Variants in DSCAM observed in about 807,000 individuals in gnomAD.
DSCAM encodes the protein DS cell adhesion molecule.
Under a neutral mutation model 217.7 loss-of-function variants are expected in DSCAM, and 47 were observed. The ratio of observed to expected loss-of-function variants is 0.22; its 90% CI spans 0.17 to 0.28. The LOEUF (loss-of-function observed/expected upper bound fraction) is 0.28, where lower values mean the gene tolerates loss of function less well. Ranked by LOEUF, DSCAM falls within the 10% of genes least tolerant of loss-of-function variation. The pLI, the probability that DSCAM is intolerant of heterozygous loss-of-function variation, is 1.00. For missense variants in DSCAM, 2,080 were observed against 2,618.3 expected (o/e 0.79, Z 4.49); for synonymous variants, 1,056 against 1,015.3 (o/e 1.04, Z -0.76).
chr21:40,122,548 A>G (rs1308765387), intron 20 of DSCAM, among the ~76,000 whole-genome samples: 1 of 152,204 alleles, frequency 6.6e-6, no homozygotes, highest in African/African-American at 2.4e-5. Flanking sequence ...GATAAGCAGA[A>G]AAGCAGAAGC....
chr21:40,352,159 G>T (rs985118319), intron 5 of DSCAM, among the ~76,000 whole-genome samples: 1 of 152,166 alleles, frequency 6.6e-6, no homozygotes, highest in African/African-American at 2.4e-5. Context: ...TCATAAGTGG[G>T]TTTTAATGCA....
Position 40,339,149 on chromosome 21 carries a change from C to T in DSCAM, c.1477G>A (p.Val493Ile), listed in dbSNP as rs779687016. The change falls in exon 7 of 33, where the codon GTC (valine) becomes ATC (isoleucine). Residue 493 changes from valine (V) to isoleucine (I), a missense_variant. Physicochemically the swap from Val to Ile is conservative, Grantham distance 29. Coordinates refer to ENST00000400454, the MANE Select transcript of DSCAM (RefSeq NM_001389.5). Reference sequence around the variant, plus strand: ...ACGTTTATTCGAGCCTGGTACAGGACGACTCCCGCCGAGTTGTTGGCAGTG... The same window carrying T: ...ACGTTTATTCGAGCCTGGTACAGGATGACTCCCGCCGAGTTGTTGGCAGTG... ...RCTANNSAGV[V>I]LYQARINVRG... is the part of the protein sequence containing the mutation. 3.1e-6 allele frequency: 5 copies of T among 1,614,108 alleles called. No individual in the cohort carries two copies. The highest frequency in any genetic ancestry group is 4.2e-6 in the Non-Finnish European group (5 of 1,180,012).
At chr21:40,302,894 A>G (rs751513050) in intron 9 of DSCAM, among the ~76,000 whole-genome samples, 1 of 152,142 alleles carries the variant, frequency 6.6e-6, no homozygotes, top group Non-Finnish European at 1.5e-5. Context: ...TTTCATTTTT[A>G]AAGAAATAAT....
intron 14 of DSCAM, among the ~76,000 whole-genome samples, chr21:40,183,112 G>A (rs1235512600): frequency 1.4e-5 from 1 of 69,136 alleles, no homozygotes; most frequent in African/African-American, 7.9e-5. Flanking sequence ...GGTTACCAGA[G>A]AAACCGTGGA....
chr21:40,055,631 C>G (rs1336119043), intron 29 of DSCAM, 94 bp downstream of exon 29: 2 of 910,304 alleles, frequency 2.2e-6, no homozygotes, highest in Non-Finnish European at 3.6e-6. Context: ...TCAAGACGCT[C>G]TCCTGTCTAA....
At chr21:40,118,567 C>T (rs529954448) in intron 20 of DSCAM, among the ~76,000 whole-genome samples, 5 of 152,292 alleles carry the variant, frequency 3.3e-5, no homozygotes, top group Admixed American at 2.6e-4. Flanking sequence ...AGCCTGGCGA[C>T]AGAGTGAAAC....
chr21:40,379,451 T>C (rs1397635541), intron 3 of DSCAM, among the ~76,000 whole-genome samples: 1 of 152,204 alleles, frequency 6.6e-6, no homozygotes, highest in African/African-American at 2.4e-5. Flanking sequence ...TTCAAGCTGG[T>C]CGCTACCTGG....
rs550818175 is a variant in DSCAM at position 40,323,759 on chromosome 21, T to G, written c.1784-11400A>C. The stretch of plus-strand genomic sequence containing the variant: ...CAAAGTAGTTCTTCTATAGGATGCT[T>G]ATTTTAGACTGCTAGACTGTGAAAA... On this transcript the variant is annotated intron_variant, in intron 8 of 32. Coordinates refer to ENST00000400454, the MANE Select transcript of DSCAM (RefSeq NM_001389.5). Among the ~76,000 whole-genome samples, 229 of 152,344 alleles carry G rather than the reference T, an allele frequency of 1.5e-3. 1 individual carries two copies. The highest frequency in any genetic ancestry group is 5.3e-3 in the African/African-American group (220 of 41,588).
At chr21:40,496,006 C>T (rs959068360) in intron 3 of DSCAM, among the ~76,000 whole-genome samples, 6 of 152,006 alleles carry the variant, frequency 3.9e-5, no homozygotes, top group East Asian at 1.9e-4. Flanking sequence ...CTAAAAACTA[C>T]GACATTGTTA....
At chr21:40,512,010 A>AAAAAAAAT (rs61560593) in intron 3 of DSCAM, among the ~76,000 whole-genome samples, 3,901 of 105,896 alleles carry the variant, frequency 0.037, 631 homozygotes, top group East Asian at 0.072. Context: ...AAAAAAAAAA[A>AAAAAAAAT]GTATTCTATT....
At chr21:40,693,667 A>C (rs2090565061) in intron 2 of DSCAM, among the ~76,000 whole-genome samples, 1 of 152,184 alleles carries the variant, frequency 6.6e-6, no homozygotes, top group South Asian at 2.1e-4. Context: ...ACTCTGAGAC[A>C]ATTAAAATAA....
Position 40,093,797 on chromosome 21 carries a change from G to A in DSCAM, c.3774C>T (p.Ser1258=), listed in dbSNP as rs755703750. The change falls in exon 21 of 33, where the codon AGC becomes AGT. Residue 1258 remains serine (S), a synonymous_variant. Transcript: ENST00000400454. The part of the protein sequence containing the change: ...IPNLSRNRQY[S]VWVVAVTSAG... ...CTGAAGTAACAGCCACCACCCAGAC[G>A]CTGTACTGACGATTCCTACTCAGGT... 9 of 1,613,884 alleles carry A rather than the reference G, an allele frequency of 5.6e-6. No homozygotes were observed. Among genetic ancestry groups the A allele is most frequent in the East Asian group, 2.2e-5 (1 of 44,882 alleles).
intron 32 of DSCAM, among the ~76,000 whole-genome samples, chr21:40,031,051 C>T (rs561026781): frequency 6.6e-6 from 1 of 152,180 alleles, no homozygotes; most frequent in Non-Finnish European, 1.5e-5. Context: ...TTTGTGTCCT[C>T]TTGTTCCAGA....
At chr21:40,478,418 G>C (rs1417668443) in intron 3 of DSCAM, among the ~76,000 whole-genome samples, 1 of 152,194 alleles carries the variant, frequency 6.6e-6, no homozygotes, top group Non-Finnish European at 1.5e-5. Context: ...GGTAGGCACA[G>C]AGCCAGCTTT....
intron 11 of DSCAM, among the ~76,000 whole-genome samples, chr21:40,214,735 C>CAAAAAAAAAAAAAAAACAAAAAA (rs2091224255): frequency 1.5e-5 from 1 of 67,864 alleles, no homozygotes; most frequent in African/African-American, 4.0e-5. Context: ...GCAACAACAG[C>CAAAAAAAAAAAAAAAACAAAAAA]AAAAAAAAAA....
chr21:40,047,629 A>G (rs777617596), intron 30 of DSCAM, among the ~76,000 whole-genome samples: 2 of 152,242 alleles, frequency 1.3e-5, no homozygotes, highest in African/African-American at 2.4e-5. Flanking sequence ...TGATCATGGT[A>G]TTAATCTGCT....
intron 3 of DSCAM, among the ~76,000 whole-genome samples, chr21:40,657,680 G>C (rs532876017): frequency 5.9e-5 from 9 of 152,242 alleles, no homozygotes; most frequent in African/African-American, 1.7e-4. Context: ...TCTGATCAGG[G>C]AGTACCCCGC....
intron 11 of DSCAM, among the ~76,000 whole-genome samples, chr21:40,241,303 C>A (rs367910843): frequency 2.2e-4 from 33 of 152,020 alleles, no homozygotes; most frequent in African/African-American, 7.7e-4. Context: ...GAAAAACAAA[C>A]AACCCCATTA....
chr21:40,517,543 A>C (rs990546926), intron 3 of DSCAM, among the ~76,000 whole-genome samples: 2 of 152,042 alleles, frequency 1.3e-5, no homozygotes, highest in Non-Finnish European at 2.9e-5. Flanking sequence ...TGACTCAGGT[A>C]ATCTCTAAGC....
Sources: allele counts gnomAD v4.1 joint callset (sites outside exome capture counted in the v4.1 genomes callset), GRCh38; gene constraint gnomAD v4.1.1; transcripts MANE v1.5; gene names NCBI Gene and HGNC (gene_info 2026-07-23, HGNC 2026-07-21).